Variants in GNG12 observed in about 807,000 individuals in gnomAD.
GNG12 encodes the protein G protein subunit gamma 12.
For missense variants in GNG12, 69 were observed against 83.8 expected (o/e 0.82, Z 0.69); for synonymous variants, 28 against 29.7 (o/e 0.94, Z 0.19).
chr1:67,757,933 C>T (rs978915660), intron 2 of GNG12, among the ~76,000 whole-genome samples: 3 of 152,140 alleles, frequency 2.0e-5, no homozygotes, highest in African/African-American at 2.4e-5. Context: ...TGCTCAGAAT[C>T]GCAGGTCTGA....
rs146351271 is a variant in GNG12, at chr1:67,739,593, T to C, written c.-26-31881A>G. Among the ~76,000 whole-genome samples, 52 of 152,330 alleles carry C rather than the reference T, an allele frequency of 3.4e-4. 2 individuals are homozygous for C. In the East Asian group the frequency reaches 9.1e-3, roughly 27 times the overall value. ...GATAGCTTTTTGAAAGTGGTGTTCATGAGCTACATCTTCAAAGGAAGAGCC... is the reference window on the plus strand; with the variant it reads ...GATAGCTTTTTGAAAGTGGTGTTCACGAGCTACATCTTCAAAGGAAGAGCC... On this transcript the variant is annotated intron_variant, in intron 2 of 3. Coordinates refer to ENST00000370982, the MANE Select transcript of GNG12 (RefSeq NM_018841.6).
intron 1 of GNG12, among the ~76,000 whole-genome samples, chr1:67,799,529 T>G (rs980704352): frequency 6.6e-6 from 1 of 152,166 alleles, no homozygotes; most frequent in African/African-American, 2.4e-5. Flanking sequence ...ATGGATAAAC[T>G]TTGCTAGAGG....
intron 2 of GNG12, among the ~76,000 whole-genome samples, chr1:67,775,184 T>G (rs144372094): frequency 5.6e-4 from 85 of 152,358 alleles, no homozygotes; most frequent in African/African-American, 1.9e-3. Flanking sequence ...TTTACACACA[T>G]TAGCCTTTTT....
At chr1:67,755,028 G>A (rs1326198396) in intron 2 of GNG12, among the ~76,000 whole-genome samples, 1 of 152,276 alleles carries the variant, frequency 6.6e-6, no homozygotes, top group Non-Finnish European at 1.5e-5. Context: ...GACATGAGGG[G>A]AGGTTGGCTT....
At chr1:67,771,693 C>A (rs932863333) in intron 2 of GNG12, among the ~76,000 whole-genome samples, 13 of 152,206 alleles carry the variant, frequency 8.5e-5, no homozygotes, top group Admixed American at 5.2e-4. Context: ...ACAGCAGACA[C>A]AGGCGACAGG....
intron 2 of GNG12, among the ~76,000 whole-genome samples, chr1:67,743,406 T>C (rs17130232): frequency 0.026 from 3,982 of 152,284 alleles, 92 homozygotes; most frequent in African/African-American, 0.066. Flanking sequence ...AAAAACTGCA[T>C]CTAACCTCAT....
chr1:67,791,325 T>C (rs972075705), intron 1 of GNG12, among the ~76,000 whole-genome samples: 4 of 152,152 alleles, frequency 2.6e-5, no homozygotes, highest in African/African-American at 9.7e-5. Flanking sequence ...TTTGCTGAAT[T>C]CTCTCCTCTT....
At chr1:67,777,392 G>C (rs932404109) in intron 2 of GNG12, 66 bp downstream of exon 2, 6 of 244,640 alleles carry the variant, frequency 2.5e-5, no homozygotes, top group East Asian at 1.8e-4. Context: ...ATCTAACTTA[G>C]AAGTGTGAAT....
At chr1:67,816,262 T>C (rs903722278) in intron 1 of GNG12, among the ~76,000 whole-genome samples, 1 of 152,058 alleles carries the variant, frequency 6.6e-6, no homozygotes, top group Non-Finnish European at 1.5e-5. Context: ...CCCACCCTAA[T>C]GAAGATTACA....
intron 1 of GNG12, among the ~76,000 whole-genome samples, chr1:67,788,498 T>C (rs1646782638): frequency 6.6e-6 from 1 of 151,752 alleles, no homozygotes; most frequent in African/African-American, 2.4e-5. Flanking sequence ...CACACCCAGC[T>C]AGTTTTTGTA....
At chr1:67,756,341 T>A (rs544329794) in intron 2 of GNG12, among the ~76,000 whole-genome samples, 2 of 152,126 alleles carry the variant, frequency 1.3e-5, no homozygotes, top group Non-Finnish European at 2.9e-5. Flanking sequence ...GACTGTAATA[T>A]GAGGTAGGAG....
At chr1:67,747,887 A>G (rs907558567) in intron 2 of GNG12, among the ~76,000 whole-genome samples, 1 of 152,222 alleles carries the variant, frequency 6.6e-6, no homozygotes, top group Non-Finnish European at 1.5e-5. Flanking sequence ...CCAGGAACGT[A>G]TGCTATGCAA....
At chr1:67,801,382 A>G (rs1646864698) in intron 1 of GNG12, among the ~76,000 whole-genome samples, 1 of 152,236 alleles carries the variant, frequency 6.6e-6, no homozygotes, top group Non-Finnish European at 1.5e-5. Flanking sequence ...GTTCAAGGTC[A>G]CATAGCTAGG....
At chr1:67,759,269 G>A (rs752740381) in intron 2 of GNG12, among the ~76,000 whole-genome samples, 30 of 152,258 alleles carry the variant, frequency 2.0e-4, no homozygotes, top group Non-Finnish European at 4.0e-4. Context: ...GGCTTTGGGT[G>A]GGAGGAGTGT....
intron 1 of GNG12, among the ~76,000 whole-genome samples, chr1:67,798,050 G>T (rs1267197261): frequency 4.6e-5 from 7 of 152,072 alleles, no homozygotes; most frequent in Non-Finnish European, 8.8e-5. Context: ...ACTTATAGGA[G>T]GTTCCTTTCA....
At chr1:67,824,843 T>A (rs923133919) in intron 1 of GNG12, among the ~76,000 whole-genome samples, 1 of 151,906 alleles carries the variant, frequency 6.6e-6, no homozygotes, top group Non-Finnish European at 1.5e-5. Context: ...GCACAGTGAG[T>A]GTGGAGAGGG....
intron 2 of GNG12, among the ~76,000 whole-genome samples, chr1:67,726,183 G>A (rs186095810): frequency 6.6e-6 from 1 of 152,262 alleles, no homozygotes; most frequent in East Asian, 1.9e-4. Flanking sequence ...CAGGCCATGG[G>A]TCCCAAGCAT....
At chr1:67,767,579 T>C (rs928005967) in intron 2 of GNG12, among the ~76,000 whole-genome samples, 1 of 152,200 alleles carries the variant, frequency 6.6e-6, no homozygotes, top group Non-Finnish European at 1.5e-5. Context: ...TGCACAAAGG[T>C]GCCAACTATA....
chr1:67,791,960 A>G (rs1646803982), intron 1 of GNG12, among the ~76,000 whole-genome samples: 2 of 152,126 alleles, frequency 1.3e-5, no homozygotes, highest in Admixed American at 1.3e-4. Context: ...CTGCCAAGCA[A>G]TGCTCTGTCT....
Sources: allele counts gnomAD v4.1 joint callset (sites outside exome capture counted in the v4.1 genomes callset), GRCh38; gene constraint gnomAD v4.1.1; transcripts MANE v1.5; gene names NCBI Gene and HGNC (gene_info 2026-07-23, HGNC 2026-07-21).